The following PTPRN2 variants were observed in gnomAD, a reference collection of about 807,000 sequenced individuals.
PTPRN2 encodes the protein protein tyrosine phosphatase receptor type N2.
In PTPRN2, 74 loss-of-function variants were observed where a neutral mutation model predicts 118.8. That is an observed-to-expected ratio of 0.62 (90% CI 0.52 to 0.76). The LOEUF is 0.76. PTPRN2 is among the 30% of genes least tolerant of loss of function. The pLI, the probability that PTPRN2 is intolerant of heterozygous loss-of-function variation, is 0.00. For missense variants in PTPRN2, 1,481 were observed against 1,394.4 expected (o/e 1.06, Z -0.99); for synonymous variants, 641 against 608.0 (o/e 1.05, Z -0.80).
At chr7:158,095,509 A>G (rs1167951118) in intron 10 of PTPRN2, among the ~76,000 whole-genome samples, 1 of 152,152 alleles carries the variant, frequency 6.6e-6, no homozygotes, top group Non-Finnish European at 1.5e-5. Flanking sequence ...GGAGGAGCAC[A>G]CTGAGGCCAG....
At chr7:158,441,061 GGGT>G (rs1356122348) in intron 2 of PTPRN2, among the ~76,000 whole-genome samples, 4 of 51,976 alleles carry the variant, frequency 7.7e-5, no homozygotes, top group East Asian at 2.7e-3. Context: ...GTAGTGATGG[GGGT>G]GGTAGTGATG....
chr7:157,589,166 T>C (rs1800846158), intron 17 of PTPRN2, among the ~76,000 whole-genome samples: 1 of 152,188 alleles, frequency 6.6e-6, no homozygotes, highest in African/African-American at 2.4e-5. Flanking sequence ...ACTAGGCTTC[T>C]ATGAATCTGA....
chr7:158,375,313 C>T (rs1402582403), intron 2 of PTPRN2, among the ~76,000 whole-genome samples: 1 of 152,224 alleles, frequency 6.6e-6, no homozygotes, highest in Non-Finnish European at 1.5e-5. Flanking sequence ...CAAATGTTTA[C>T]AGAGTACCCA....
chr7:158,287,186 TTCC>T, intron 3 of PTPRN2, among the ~76,000 whole-genome samples: 1 of 152,282 alleles, frequency 6.6e-6, no homozygotes, highest in East Asian at 1.9e-4. Context: ...GTTGTAATGT[TTCC>T]TCCTTCATTT....
intron 15 of PTPRN2, among the ~76,000 whole-genome samples, chr7:157,613,849 CCA>C (rs1491556811): frequency 6.6e-6 from 1 of 152,200 alleles, no homozygotes; most frequent in African/African-American, 2.4e-5. Context: ...TGCGGCCCCC[CCA>C]CAGTGTGCCG....
intron 9 of PTPRN2, among the ~76,000 whole-genome samples, chr7:158,112,383 C>T (rs1325825902): frequency 2.6e-5 from 4 of 152,270 alleles, no homozygotes; most frequent in East Asian, 1.9e-4. Context: ...GCAAGGGGGC[C>T]GCGGTGCCAC....
At chr7:158,341,703 C>T (rs796947765) in intron 2 of PTPRN2, among the ~76,000 whole-genome samples, 107 of 116,578 alleles carry the variant, frequency 9.2e-4, no homozygotes, top group Non-Finnish European at 1.0e-3. Flanking sequence ...TCACTCACAC[C>T]CACACTCTCA....
chr7:157,794,862 G>A lies in PTPRN2; in HGVS notation c.1788+103811C>T, dbSNP rs755431564. Among the ~76,000 whole-genome samples, 1 of 152,200 alleles carries A rather than the reference G, an allele frequency of 6.6e-6. No homozygotes were observed. Among genetic ancestry groups the A allele is most frequent in the Non-Finnish European group, 1.5e-5 (1 of 68,038 alleles). ...TTAAATCACAAAATACTTCATATCT[G>A]CCTGCACTCATTGTCATGCTAAAGC... On this transcript the variant is annotated intron_variant, in intron 12 of 22. Coordinates refer to ENST00000389418, the MANE Select transcript of PTPRN2 (RefSeq NM_002847.5). This position sits in a 1 kb window ranked among gnomAD's most constrained non-coding sequence, Gnocchi z 5.2.
chr7:157,732,998 G>C (rs552963411), intron 12 of PTPRN2, among the ~76,000 whole-genome samples: 82 of 2,380 alleles, frequency 0.034, 1 homozygote, highest in East Asian at 0.13. Context: ...TCCCGTCCCA[G>C]GCGCCCAGCA....
At chr7:158,105,409 A>G (rs1815603625) in intron 10 of PTPRN2, among the ~76,000 whole-genome samples, 1 of 138,730 alleles carries the variant, frequency 7.2e-6, no homozygotes, top group Admixed American at 7.2e-5. Flanking sequence ...GCTCCGTCAA[A>G]CTCCATCCCA....
At chr7:158,066,428 C>G (rs1810779553) in intron 11 of PTPRN2, among the ~76,000 whole-genome samples, 1 of 152,238 alleles carries the variant, frequency 6.6e-6, no homozygotes, top group Non-Finnish European at 1.5e-5. Flanking sequence ...AGTTTTGCCA[C>G]AGAATGTGCT....
chr7:158,171,304 CACACATATATATAT>C (rs1823642263), intron 5 of PTPRN2, among the ~76,000 whole-genome samples: 9 of 28,090 alleles, frequency 3.2e-4, no homozygotes, highest in Admixed American at 1.1e-3. Flanking sequence ...CATATATATA[CACACATATATATAT>C]ATATATATAT....
At chr7:157,998,953 C>A (rs563439326) in intron 11 of PTPRN2, among the ~76,000 whole-genome samples, 1 of 151,854 alleles carries the variant, frequency 6.6e-6, no homozygotes, top group Non-Finnish European at 1.5e-5. Context: ...GTGCGGGGTG[C>A]GAGGCATCCG....
rs185668935 is a variant in PTPRN2, at chr7:158,407,012, G to A, written c.163+82723C>T. On this transcript the variant is annotated intron_variant, in intron 2 of 22. Transcript: ENST00000389418. Reference sequence around the variant, plus strand: ...CCCTGAACAATGAGCAAGGCTGAGCGTGCTCAGGCTGTCAGCAAGGAACCC... The same window carrying A: ...CCCTGAACAATGAGCAAGGCTGAGCATGCTCAGGCTGTCAGCAAGGAACCC... Among the ~76,000 whole-genome samples the A allele has an allele frequency of 9.0e-3, 1,374 of 152,318 alleles. 9 individuals are homozygous for A. Among genetic ancestry groups the A allele is most frequent in the Non-Finnish European group, 0.012 (835 of 68,044 alleles).
chr7:158,429,454 C>T (rs2129428111), intron 2 of PTPRN2, among the ~76,000 whole-genome samples: 1 of 152,388 alleles, frequency 6.6e-6, no homozygotes, highest in Middle Eastern at 3.4e-3. Context: ...CCACCACCAT[C>T]TCTGCCTCGT....
chr7:157,956,753 A>AAC lies in PTPRN2; in HGVS notation c.1724-58018_1724-58017dup, dbSNP rs552885889. Among the ~76,000 whole-genome samples, 3 of 152,356 alleles carry AAC rather than the reference A, an allele frequency of 2.0e-5. No individual in the cohort carries two copies. In the South Asian group the frequency reaches 6.2e-4, roughly 32 times the overall value. ...ATCAAGTTTCAGGGGTCATGGTGGG[A>AAC]ACCTCACTTTCCCAGAGGATAAACT... On this transcript the variant is annotated intron_variant, in intron 11 of 22. Coordinates refer to ENST00000389418, the MANE Select transcript of PTPRN2 (RefSeq NM_002847.5).
chr7:157,642,117 C>G (rs2150696435), intron 14 of PTPRN2, among the ~76,000 whole-genome samples: 1 of 152,364 alleles, frequency 6.6e-6, no homozygotes, highest in African/African-American at 2.4e-5. Flanking sequence ...ACAGAGACGT[C>G]TTCTAGCAAA....
At chr7:158,202,933 C>A (rs1490365695) in intron 4 of PTPRN2, among the ~76,000 whole-genome samples, 1 of 151,940 alleles carries the variant, frequency 6.6e-6, no homozygotes, top group African/African-American at 2.4e-5. Flanking sequence ...AGAAAATTCA[C>A]AAAGAAAATT....
chr7:158,191,906 C>A (rs767491250), intron 5 of PTPRN2, among the ~76,000 whole-genome samples: 25 of 152,106 alleles, frequency 1.6e-4, no homozygotes, highest in Non-Finnish European at 2.6e-4. Flanking sequence ...AGTAGTTGCA[C>A]CTGGTGCCCC....
Sources: gnomAD v4.1 joint callset for allele counts (sites outside exome capture counted in the v4.1 genomes callset) on GRCh38, gnomAD v4.1.1 for gene constraint, Gnocchi (gnomAD v3.1) non-coding constraint, MANE v1.5 for transcripts, NCBI Gene and HGNC (gene_info 2026-07-23, HGNC 2026-07-21) for gene names.